The following FHIT variants were observed in gnomAD, a reference collection of about 807,000 sequenced individuals.
FHIT encodes the protein bis(5'-adenosyl)-triphosphatase.
Under a neutral mutation model 17.9 loss-of-function variants are expected in FHIT, and 19 were observed. The observed-to-expected ratio is 1.06, with a 90% CI of 0.74 to 1.56. The LOEUF (loss-of-function observed/expected upper bound fraction) is 1.56. Ranked by LOEUF, FHIT falls within the 40% of genes most tolerant of loss-of-function variation. The probability of loss-of-function intolerance (pLI) is 0.00; values close to 1 mark genes in which losing one functional copy is unlikely to be tolerated. For missense variants in FHIT, 248 were observed against 189.2 expected (o/e 1.31, Z -1.82); for synonymous variants, 81 against 69.7 (o/e 1.16, Z -0.81).
At chr3:59,951,741 T>A (rs559836687) in intron 7 of FHIT, among the ~76,000 whole-genome samples, 1 of 152,170 alleles carries the variant, frequency 6.6e-6, no homozygotes, top group Admixed American at 6.5e-5. Flanking sequence ...ATGATAACCA[T>A]CTCATGGAAA....
intron 4 of FHIT, among the ~76,000 whole-genome samples, chr3:60,787,285 G>C (rs975356975): frequency 3.9e-5 from 6 of 152,152 alleles, no homozygotes; most frequent in Non-Finnish European, 8.8e-5. Flanking sequence ...CCCTGCTCCA[G>C]CTTTTTACAC....
chr3:59,973,972 G>A (rs111752747), intron 7 of FHIT, among the ~76,000 whole-genome samples: 1 of 134,854 alleles, frequency 7.4e-6, no homozygotes, highest in African/African-American at 2.5e-5. Context: ...TGATTTGTAG[G>A]GGATAAAGAA....
chr3:60,509,165 A>G (rs1283626097), intron 5 of FHIT, among the ~76,000 whole-genome samples: 1 of 152,176 alleles, frequency 6.6e-6, no homozygotes, highest in African/African-American at 2.4e-5. Context: ...GGCGTGCTCC[A>G]GGAATGTGAC....
At chr3:60,734,286 G>C (rs2042091604) in intron 4 of FHIT, among the ~76,000 whole-genome samples, 1 of 152,152 alleles carries the variant, frequency 6.6e-6, no homozygotes, top group Non-Finnish European at 1.5e-5. Context: ...TTAAGAAATA[G>C]AGTTGGCATG....
chr3:60,956,513 G>T (rs782049573), intron 3 of FHIT, among the ~76,000 whole-genome samples: 1 of 152,098 alleles, frequency 6.6e-6, no homozygotes, highest in Non-Finnish European at 1.5e-5. Flanking sequence ...CCAAATATTT[G>T]TATCTCTTGT....
chr3:59,868,786 C>G (rs1047712557), intron 8 of FHIT, among the ~76,000 whole-genome samples: 1 of 152,090 alleles, frequency 6.6e-6, no homozygotes, highest in Non-Finnish European at 1.5e-5. Flanking sequence ...TGGTTTTAAC[C>G]ATTTGTAGGT....
At chr3:60,212,698 G>A (rs944035112) in intron 5 of FHIT, among the ~76,000 whole-genome samples, 5 of 152,096 alleles carry the variant, frequency 3.3e-5, no homozygotes, top group African/African-American at 4.8e-5. Flanking sequence ...AAATAAATAT[G>A]GTTTGCAAGG....
intron 2 of FHIT, among the ~76,000 whole-genome samples, chr3:61,108,430 T>C (rs2036054636): frequency 6.6e-6 from 1 of 152,208 alleles, no homozygotes; most frequent in Non-Finnish European, 1.5e-5. Context: ...GAGCAAAGTC[T>C]TTGCCCTGTG....
chr3:59,856,061 G>A (rs779893608), intron 8 of FHIT, among the ~76,000 whole-genome samples: 70 of 152,126 alleles, frequency 4.6e-4, no homozygotes, highest in Non-Finnish European at 9.0e-4. Flanking sequence ...GATTACAGGT[G>A]TGAGCCACCA....
chr3:59,895,018 T>C (rs574936865), intron 8 of FHIT, among the ~76,000 whole-genome samples: 1 of 152,296 alleles, frequency 6.6e-6, no homozygotes, highest in South Asian at 2.1e-4. Context: ...TCTCAACTGG[T>C]GACAATTTTG....
intron 7 of FHIT, among the ~76,000 whole-genome samples, chr3:59,992,754 C>T (rs1375005912): frequency 6.6e-6 from 1 of 152,048 alleles, no homozygotes. Context: ...ATCTGTGCCA[C>T]AGACATTGAC....
intron 8 of FHIT, among the ~76,000 whole-genome samples, chr3:59,790,293 A>G (rs977198479): frequency 6.6e-6 from 1 of 152,226 alleles, no homozygotes; most frequent in Non-Finnish European, 1.5e-5. Flanking sequence ...AGGTGATAGC[A>G]TTTTGTACTT....
chr3:60,855,344 T>A (rs1427388830), intron 3 of FHIT, among the ~76,000 whole-genome samples: 2 of 152,102 alleles, frequency 1.3e-5, no homozygotes, highest in African/African-American at 4.8e-5. Flanking sequence ...TTTTTCACCT[T>A]TGGTAAAAAG....
chr3:59,968,821 T>C (rs1458727042), intron 7 of FHIT, among the ~76,000 whole-genome samples: 9 of 152,188 alleles, frequency 5.9e-5, no homozygotes, highest in Non-Finnish European at 8.8e-5. Context: ...TTTTGAGAGA[T>C]GCTAGAGTTA....
intron 7 of FHIT, among the ~76,000 whole-genome samples, chr3:59,948,555 T>G (rs928732058): frequency 1.3e-5 from 2 of 151,598 alleles, no homozygotes; most frequent in African/African-American, 4.8e-5. Context: ...AAATAAAAAA[T>G]AAATAAATCA....
intron 4 of FHIT, among the ~76,000 whole-genome samples, chr3:60,619,202 C>T (rs935683708): frequency 2.0e-5 from 3 of 151,966 alleles, no homozygotes; most frequent in Non-Finnish European, 4.4e-5. Flanking sequence ...TTTAAAAAAG[C>T]TATCTACTGT....
intron 3 of FHIT, among the ~76,000 whole-genome samples, chr3:60,994,349 C>G (rs1425781199): frequency 6.6e-6 from 1 of 152,076 alleles, no homozygotes; most frequent in Admixed American, 6.5e-5. Flanking sequence ...GAAGAGGAAG[C>G]AATCAAGTCA....
chr3:60,927,710 G>T (rs949714549), intron 3 of FHIT, among the ~76,000 whole-genome samples: 6 of 151,480 alleles, frequency 4.0e-5, no homozygotes, highest in African/African-American at 7.3e-5. Flanking sequence ...CCGCCCGGCA[G>T]CCGCCCCGTC....
At chr3:61,033,674 T>C (rs116113504) in intron 3 of FHIT, among the ~76,000 whole-genome samples, 2 of 152,176 alleles carry the variant, frequency 1.3e-5, no homozygotes, top group African/African-American at 2.4e-5. Context: ...TGGAGACAAG[T>C]TGAATAGAAA....
Sources: allele counts gnomAD v4.1 joint callset (sites outside exome capture counted in the v4.1 genomes callset), GRCh38; gene constraint gnomAD v4.1.1; transcripts MANE v1.5; gene names NCBI Gene and HGNC (gene_info 2026-07-23, HGNC 2026-07-21).